The following THSD7B variants were observed in gnomAD, a reference collection of about 807,000 sequenced individuals.
The protein encoded by THSD7B is thrombospondin type 1 domain containing 7B.
In THSD7B, 138 loss-of-function variants were observed where a neutral mutation model predicts 213.6. The observed-to-expected ratio is 0.65, with a 90% confidence interval of 0.56 to 0.74. The LOEUF is 0.74. Among genes scored for constraint, THSD7B ranks in the 30% least tolerant of loss-of-function variants. The pLI is 0.00. For synonymous variants in THSD7B, 742 were observed against 687.0 expected, an observed-to-expected ratio of 1.08 and a Z score of -1.25; for missense variants, 1,931 against 1,991.5, an observed-to-expected ratio of 0.97 and a Z score of 0.58.
intron 12 of THSD7B, among the ~76,000 whole-genome samples, chr2:137,367,690 A>G (rs1685452402): frequency 6.6e-6 from 1 of 152,114 alleles, no homozygotes; most frequent in South Asian, 2.1e-4. Context: ...TGGAGGCTGG[A>G]AGTCTGAGGT....
At chr2:136,994,247 CTT>C (rs1685838309) in intron 2 of THSD7B, among the ~76,000 whole-genome samples, 1 of 152,128 alleles carries the variant, frequency 6.6e-6, no homozygotes, top group Admixed American at 6.5e-5. Context: ...GTTTGTAAGG[CTT>C]TGAATTGTAG....
intron 14 of THSD7B, among the ~76,000 whole-genome samples, chr2:137,445,716 A>G (rs1687523153): frequency 6.6e-6 from 1 of 151,992 alleles, no homozygotes; most frequent in South Asian, 2.1e-4. Context: ...TAGGGCAACT[A>G]TAGATAACAA....
At chr2:137,042,024 C>T (rs1686891185) in intron 2 of THSD7B, among the ~76,000 whole-genome samples, 1 of 152,194 alleles carries the variant, frequency 6.6e-6, no homozygotes, top group Non-Finnish European at 1.5e-5. Flanking sequence ...TAAGCCTTGT[C>T]ACTCTTCTAT....
chr2:137,410,478 A>C (rs113291859), intron 13 of THSD7B, among the ~76,000 whole-genome samples: 2,207 of 152,224 alleles, frequency 0.014, 43 homozygotes, highest in African/African-American at 0.05. Flanking sequence ...TATGTTGGCC[A>C]GTCTGGTCTC....
chr2:137,614,496 AG>A, intron 17 of THSD7B, among the ~76,000 whole-genome samples: 1 of 152,184 alleles, frequency 6.6e-6, no homozygotes, highest in African/African-American at 2.4e-5. Context: ...AATGTAGGAA[AG>A]CACTAATCAG....
chr2:137,307,541 T>C (rs568091963), intron 12 of THSD7B, among the ~76,000 whole-genome samples: 4 of 152,246 alleles, frequency 2.6e-5, no homozygotes, highest in South Asian at 2.1e-4. Flanking sequence ...AGCTATAGAC[T>C]GCTTTGGATA....
At chr2:137,279,170 A>G (rs1366678983) in intron 12 of THSD7B, among the ~76,000 whole-genome samples, 1 of 152,162 alleles carries the variant, frequency 6.6e-6, no homozygotes, top group Non-Finnish European at 1.5e-5. Flanking sequence ...GAGGAGTCAG[A>G]TAATTATTTG....
At chr2:137,551,654 CT>C (rs1196981721) in intron 15 of THSD7B, among the ~76,000 whole-genome samples, 3 of 152,074 alleles carry the variant, frequency 2.0e-5, no homozygotes, top group Admixed American at 2.0e-4. Flanking sequence ...TTAAATAAAG[CT>C]TATTTAGTAT....
intron 17 of THSD7B, among the ~76,000 whole-genome samples, chr2:137,592,593 A>G (rs1278606119): frequency 5.9e-5 from 9 of 151,856 alleles, no homozygotes; most frequent in Non-Finnish European, 1.2e-4. Flanking sequence ...TCTCATTTTC[A>G]GTGATTACGG....
chr2:137,252,692 G>A (rs996963677), intron 10 of THSD7B, among the ~76,000 whole-genome samples: 2 of 152,206 alleles, frequency 1.3e-5, no homozygotes, highest in Non-Finnish European at 2.9e-5. Flanking sequence ...AAGGGGAGGG[G>A]ACAGTGATGC....
At chr2:137,642,740 G>A in intron 21 of THSD7B, 107 bp downstream of exon 21, 3 of 1,318,940 alleles carry the variant, frequency 2.3e-6, no homozygotes, top group Non-Finnish European at 1.0e-6. Flanking sequence ...CCAGGGGTCT[G>A]GCACAATGTA....
At chr2:136,831,824 T>C (rs1171517999) in intron 1 of THSD7B, among the ~76,000 whole-genome samples, 3 of 152,224 alleles carry the variant, frequency 2.0e-5, no homozygotes, top group African/African-American at 4.8e-5. Flanking sequence ...ATCTTCCTTT[T>C]CTTTCCTAGC....
At chr2:137,168,115 G>C (rs758159101) in intron 6 of THSD7B, among the ~76,000 whole-genome samples, 1 of 152,192 alleles carries the variant, frequency 6.6e-6, no homozygotes, top group African/African-American at 2.4e-5. Flanking sequence ...TAAAGTTACT[G>C]TCCCAGTCTT....
chr2:136,900,312 T>C (rs1183739395), intron 2 of THSD7B, among the ~76,000 whole-genome samples: 1 of 152,218 alleles, frequency 6.6e-6, no homozygotes, highest in East Asian at 1.9e-4. Context: ...ACTGCCTTTC[T>C]CTTTGTAGTA....
chr2:137,381,673 G>A (rs902214847), intron 12 of THSD7B, among the ~76,000 whole-genome samples: 6 of 152,214 alleles, frequency 3.9e-5, no homozygotes, highest in Non-Finnish European at 1.5e-5. Context: ...GATGCAGATA[G>A]ATTTGATTTT....
At chr2:136,779,196 ATATGTGTGTGTGTGTGTGTG>A (rs1364941098) in intron 1 of THSD7B, among the ~76,000 whole-genome samples, 10 of 134,372 alleles carry the variant, frequency 7.4e-5, no homozygotes, top group East Asian at 6.6e-4. Context: ...CTATATATAT[ATATGTGTGTGTGTGTGTGTG>A]TGTGTGTGTG....
rs577133450 is a variant in THSD7B, at chr2:137,279,075, C to T, written c.2500+3049C>T. 2.8e-4 allele frequency among the ~76,000 whole-genome samples: 43 copies of T among 151,928 alleles called. 1 individual carries two copies. The highest frequency in any genetic ancestry group is 2.2e-3 in the Admixed American group (34 of 15,258). On this transcript the variant is annotated intron_variant, in intron 12 of 27. Transcript: ENST00000409968. Reference sequence around the variant, plus strand: ...CACCTATCATTAAGGAATTGGCTAACGGAGCTATATGAATATATTTTTAGA... The same window carrying T: ...CACCTATCATTAAGGAATTGGCTAATGGAGCTATATGAATATATTTTTAGA...
intron 3 of THSD7B, 141 bp downstream of exon 3, chr2:137,057,371 A>T (rs1461386265): frequency 1.1e-6 from 1 of 873,864 alleles, no homozygotes; most frequent in Non-Finnish European, 1.7e-6. Flanking sequence ...CATGTAAGAA[A>T]TTTTTAATTT....
At chr2:137,091,365 C>A (rs1217128446) in intron 3 of THSD7B, among the ~76,000 whole-genome samples, 1 of 152,150 alleles carries the variant, frequency 6.6e-6, no homozygotes, top group African/African-American at 2.4e-5. Flanking sequence ...AAAATGAAAT[C>A]AATCTTGGAA....
Sources: allele counts gnomAD v4.1 joint callset (sites outside exome capture counted in the v4.1 genomes callset), GRCh38; gene constraint gnomAD v4.1.1; transcripts MANE v1.5; gene names NCBI Gene and HGNC (gene_info 2026-07-23, HGNC 2026-07-21).